The following OR10J1 variants were observed in gnomAD, a reference collection of about 807,000 sequenced individuals.
OR10J1 encodes olfactory receptor 10J1.
For synonymous variants in OR10J1, 202 were observed against 143.8 expected (o/e 1.40, Z -2.89); for missense variants, 474 against 376.6 (o/e 1.26, Z -2.14).
upstream of OR10J1, among the ~76,000 whole-genome samples, chr1:159,439,202 C>T (rs1655829008): frequency 2.6e-5 from 4 of 152,220 alleles, no homozygotes; most frequent in South Asian, 8.3e-4. Flanking sequence ...AAAGGATGCG[C>T]AAGGAGGATG....
chr1:159,411,485 T>C, the OR10J1 span, among the ~76,000 whole-genome samples: 1 of 152,178 alleles, frequency 6.6e-6, no homozygotes, highest in Non-Finnish European at 1.5e-5. Context: ...TCTTTGTTGG[T>C]TTAAAGTCTG....
the OR10J1 span, chr1:159,406,463 GT>G: frequency 3.7e-6 from 1 of 273,862 alleles, no homozygotes; most frequent in East Asian, 8.5e-5. Flanking sequence ...AGCAGCATCA[GT>G]TTTTTGGATT....
chr1:159,398,044 A>G, the OR10J1 span, among the ~76,000 whole-genome samples: 24 of 152,350 alleles, frequency 1.6e-4, no homozygotes, highest in African/African-American at 5.5e-4. Context: ...GGTGGCTCAG[A>G]AAAGAGAAAG....
chr1:159,404,618 C>T, the OR10J1 span, among the ~76,000 whole-genome samples: 1 of 152,112 alleles, frequency 6.6e-6, no homozygotes, highest in African/African-American at 2.4e-5. Context: ...CTTCATAGAA[C>T]AGTGACAGCC....
At chr1:159,407,211 G>A in the OR10J1 span, among the ~76,000 whole-genome samples, 1 of 152,088 alleles carries the variant, frequency 6.6e-6, no homozygotes, top group Non-Finnish European at 1.5e-5. Context: ...GTATCAAAAT[G>A]CAATTTTCCA....
chr1:159,413,366 G>T, the OR10J1 span, among the ~76,000 whole-genome samples: 6 of 151,718 alleles, frequency 4.0e-5, no homozygotes, highest in Non-Finnish European at 7.4e-5. Context: ...TATAAATCAT[G>T]CTGCTATAAA....
At chr1:159,439,688 CTG>C (rs1366455913), upstream of OR10J1, 2 of 1,401,076 alleles carry the variant, frequency 1.4e-6, no homozygotes, top group African/African-American at 1.4e-5. Context: ...AGATTTGTAA[CTG>C]AGAACTATTG....
At chr1:159,415,640 G>A in the OR10J1 span, among the ~76,000 whole-genome samples, 1 of 151,738 alleles carries the variant, frequency 6.6e-6, no homozygotes, top group African/African-American at 2.4e-5. Context: ...GATTGCATTG[G>A]ATCTATAGAT....
the OR10J1 span, among the ~76,000 whole-genome samples, chr1:159,416,599 A>G: frequency 6.6e-6 from 1 of 151,928 alleles, no homozygotes; most frequent in African/African-American, 2.4e-5. Flanking sequence ...TGCCTCATAC[A>G]ATGAGTTAGA....
the OR10J1 span, among the ~76,000 whole-genome samples, chr1:159,429,546 G>GA: frequency 6.6e-6 from 1 of 152,186 alleles, no homozygotes; most frequent in Non-Finnish European, 1.5e-5. Flanking sequence ...ATTCCTGTGG[G>GA]AAAAACCAAG....
At chr1:159,408,774 G>A in the OR10J1 span, among the ~76,000 whole-genome samples, 2 of 152,020 alleles carry the variant, frequency 1.3e-5, no homozygotes, top group African/African-American at 4.8e-5. Flanking sequence ...ATAAATCATT[G>A]AGCAAGGTGA....
At chr1:159,414,838 T>C in the OR10J1 span, among the ~76,000 whole-genome samples, 1 of 152,140 alleles carries the variant, frequency 6.6e-6, no homozygotes, top group East Asian at 1.9e-4. Flanking sequence ...TTAGTGATAT[T>C]AAGCATTTTT....
the OR10J1 span, among the ~76,000 whole-genome samples, chr1:159,398,767 G>A: frequency 5.8e-3 from 884 of 152,218 alleles, 12 homozygotes; most frequent in African/African-American, 0.021. Flanking sequence ...ACAGAATCTA[G>A]AAAATAGTCT....
the OR10J1 span, among the ~76,000 whole-genome samples, chr1:159,425,040 A>G: frequency 6.6e-6 from 1 of 152,108 alleles, no homozygotes; most frequent in African/African-American, 2.4e-5. Context: ...TTCAACAATT[A>G]CACTAGAATT....
the OR10J1 span, among the ~76,000 whole-genome samples, chr1:159,409,103 A>G: frequency 6.6e-6 from 1 of 152,040 alleles, no homozygotes; most frequent in Admixed American, 6.6e-5. Context: ...TGTGCACTCC[A>G]TTCGTAACTG....
At chr1:159,434,889 T>G (rs535117413), upstream of OR10J1, among the ~76,000 whole-genome samples, 4 of 152,284 alleles carry the variant, frequency 2.6e-5, no homozygotes, top group East Asian at 7.7e-4. Context: ...AAGTCACTCT[T>G]GATATGGACA....
upstream of OR10J1, among the ~76,000 whole-genome samples, chr1:159,436,484 T>A (rs1655741637): frequency 6.6e-6 from 1 of 152,112 alleles, no homozygotes; most frequent in African/African-American, 2.4e-5. Context: ...CAGTCCCAAT[T>A]ATCTCTGTTA....
Position 159,439,950 on chromosome 1 carries a change from T to A in OR10J1, c.159T>A (p.Leu53=). Residue 53 remains leucine, a synonymous_variant, in exon 1 of 1, where the codon CTT becomes CTA. Coordinates refer to ENST00000423932, the MANE Select transcript of OR10J1 (RefSeq NM_012351.3). ...IIIVTIIRMD[L]HLHTPMYFFL... Reference sequence around the variant, plus strand: ...TTGTGACCATCATCCGAATGGATCTTCATCTTCACACACCCATGTACTTCT... The same window carrying A: ...TTGTGACCATCATCCGAATGGATCTACATCTTCACACACCCATGTACTTCT... 5.6e-6 allele frequency: 9 copies of A among 1,614,160 alleles called. No homozygotes were observed. Among genetic ancestry groups the A allele is most frequent in the Non-Finnish European group, 5.1e-6 (6 of 1,180,020 alleles).
chr1:159,405,438 G>A, the OR10J1 span: 1 of 165,852 alleles, frequency 6.0e-6, no homozygotes, highest in Non-Finnish European at 1.3e-5. Context: ...TGATACACTG[G>A]GGGTTGAAGA....
Sources: gnomAD v4.1 joint callset for allele counts (sites outside exome capture counted in the v4.1 genomes callset) on GRCh38, gnomAD v4.1.1 for gene constraint, MANE v1.5 for transcripts, NCBI Gene and HGNC (gene_info 2026-07-23, HGNC 2026-07-21) for gene names.